BMP2K: variants seen among roughly 807,000 people sequenced by gnomAD.
BMP2K encodes BMP-2-inducible protein kinase.
BMP2K carries 74 observed loss-of-function variants against 116.0 expected under a neutral mutation model. That is an observed-to-expected ratio of 0.64 (90% CI 0.53 to 0.77). The LOEUF (loss-of-function observed/expected upper bound fraction) is 0.77, where lower values mean the gene tolerates loss of function less well. Among genes scored for constraint, BMP2K ranks in the 30% least tolerant of loss-of-function variants. The probability of loss-of-function intolerance (pLI) is 0.00; values close to 1 mark genes in which losing one functional copy is unlikely to be tolerated. For synonymous variants in BMP2K, 486 were observed against 502.5 expected (o/e 0.97, Z 0.44); for missense variants, 1,365 against 1,403.6 (o/e 0.97, Z 0.44).
intron 14 of BMP2K, chr4:78,879,269 A>G (rs1381726765): frequency 1.9e-5 from 19 of 1,007,414 alleles, no homozygotes; most frequent in Non-Finnish European, 2.2e-5. Context: ...CACACTCAAT[A>G]GAAAATATTG....
intron 1 of BMP2K, among the ~76,000 whole-genome samples, chr4:78,808,566 G>A (rs1032793392): frequency 4.6e-5 from 7 of 151,900 alleles, no homozygotes; most frequent in Middle Eastern, 3.2e-3. Flanking sequence ...ATGCCCGGCC[G>A]CTTCCTTTTT....
chr4:78,905,253 T>G (rs1489628869), intron 15 of BMP2K, among the ~76,000 whole-genome samples: 1 of 151,942 alleles, frequency 6.6e-6, no homozygotes, highest in African/African-American at 2.4e-5. Context: ...TAAACTTGCT[T>G]AGTGTCAGTA....
intron 6 of BMP2K, among the ~76,000 whole-genome samples, chr4:78,849,114 TG>T (rs1731137875): frequency 6.6e-6 from 1 of 151,488 alleles, no homozygotes; most frequent in Non-Finnish European, 1.5e-5. Flanking sequence ...AATAATTTTT[TG>T]CTTGGAAGTT....
At chr4:78,854,823 T>G (rs1577929267) in intron 7 of BMP2K, among the ~76,000 whole-genome samples, 1 of 152,144 alleles carries the variant, frequency 6.6e-6, no homozygotes, top group East Asian at 1.9e-4. Context: ...TAAATTTTCA[T>G]GTACCTCATG....
chr4:78,890,372 A>C lies in BMP2K; in HGVS notation c.2062+3088A>C, dbSNP rs112528966. ...TTTTTTTTTGATTTAGATATTTTAC[A>C]GTTTGTCCGCCTCACACATACACAA... On this transcript the variant is annotated intron_variant, in intron 15 of 15. Transcript: ENST00000502613. Among the ~76,000 whole-genome samples the C allele has an allele frequency of 1.7e-4, 26 of 150,758 alleles. 1 individual carries two copies. The highest frequency in any genetic ancestry group is 6.2e-4 in the African/African-American group (25 of 40,288).
At chr4:78,780,096 C>CACAT in intron 1 of BMP2K, among the ~76,000 whole-genome samples, 1 of 152,244 alleles carries the variant, frequency 6.6e-6, no homozygotes, top group South Asian at 2.1e-4. Flanking sequence ...GCTTGTTGAC[C>CACAT]ACATGCATCA....
In BMP2K at chr4:78,910,873, G is replaced by A. The variant is rs560165697; in HGVS notation, c.2326G>A (p.Asp776Asn). Reference sequence around the variant, plus strand: ...GGAACAAGGAGATTTTAATGATGATGATACTGAACCAGAAAATCTGGGTCA... The same window carrying A: ...GGAACAAGGAGATTTTAATGATGATAATACTGAACCAGAAAATCTGGGTCA... Reference protein sequence around the residue: ...QGEQGDFNDDDTEPENLGHRP... With the variant: ...QGEQGDFNDDNTEPENLGHRP... Residue 776 changes from aspartate to asparagine, a missense_variant, in exon 16 of 16, where the codon GAT becomes AAT. By Grantham distance (23) the Asp-to-Asn change is conservative. Transcript: ENST00000502613. 1 of 1,613,964 alleles carries A rather than the reference G, an allele frequency of 6.2e-7. No individual in the cohort carries two copies. Among genetic ancestry groups the A allele is most frequent in the South Asian group, 1.1e-5 (1 of 91,078 alleles).
In BMP2K at chr4:78,803,538, C is replaced by G. The variant is rs560028054; in HGVS notation, c.179-22499C>G. On this transcript the variant is annotated intron_variant, in intron 1 of 15. Transcript: ENST00000502613. ...GGATTACAGATGTGTACCACCACTCCCTGCACATTTTTGTATTTTTAGTAG... is the reference window on the plus strand; with the variant it reads ...GGATTACAGATGTGTACCACCACTCGCTGCACATTTTTGTATTTTTAGTAG... Among the ~76,000 whole-genome samples the G allele has an allele frequency of 4.6e-5, 7 of 152,052 alleles. No homozygotes were observed. In the East Asian group the frequency reaches 1.2e-3, roughly 25 times the overall value.
chr4:78,783,806 AAAATAAATAAATAAAT>A (rs886454344), intron 1 of BMP2K, among the ~76,000 whole-genome samples: 1 of 151,868 alleles, frequency 6.6e-6, no homozygotes, highest in Non-Finnish European at 1.5e-5. Context: ...ACGCTGTCTC[AAAATAAATAAATAAAT>A]AAATAAATAA....
chr4:78,860,681 C>A (rs192586624), intron 8 of BMP2K, among the ~76,000 whole-genome samples: 82 of 151,286 alleles, frequency 5.4e-4, no homozygotes, highest in Admixed American at 2.6e-3. Flanking sequence ...TTGTAAAGAT[C>A]ATTCTGGCCT....
intron 2 of BMP2K, among the ~76,000 whole-genome samples, chr4:78,830,525 T>C (rs1472506182): frequency 2.0e-5 from 3 of 152,226 alleles, no homozygotes; most frequent in African/African-American, 7.2e-5. Context: ...CGACTTCTTC[T>C]CTTTAGCTCT....
At chr4:78,874,075 G>A (rs911588606) in intron 13 of BMP2K, among the ~76,000 whole-genome samples, 1 of 152,034 alleles carries the variant, frequency 6.6e-6, no homozygotes, top group Admixed American at 6.6e-5. Flanking sequence ...CTACTTGGGA[G>A]GCTGAGGCAG....
chr4:78,815,996 G>T (rs1400477700), intron 1 of BMP2K, among the ~76,000 whole-genome samples: 1 of 152,128 alleles, frequency 6.6e-6, no homozygotes, highest in African/African-American at 2.4e-5. Context: ...TTTGAAACTG[G>T]AATTCAGTCA....
chr4:78,905,631 G>A (rs570308401), intron 15 of BMP2K, among the ~76,000 whole-genome samples: 7 of 152,012 alleles, frequency 4.6e-5, no homozygotes, highest in Non-Finnish European at 8.8e-5. Flanking sequence ...TAAATATGGG[G>A]ATTATTAGGA....
At position 78,865,581 on chromosome 4, in the gene BMP2K, A is replaced by G; in HGVS notation, c.1092A>G (p.Thr364=). ...KARITDTIGP[T]ETSIAPRQRP... The stretch of plus-strand genomic sequence containing the variant: ...GAATAACAGATACCATTGGACCAAC[A>G]GAAACCTCAATTGCACCAAGACAAA... The change falls in exon 10 of 16, where the codon ACA becomes ACG. Residue 364 remains threonine, a synonymous_variant. Transcript: ENST00000502613. 6.2e-7 allele frequency: 1 copy of G among 1,614,118 alleles called. No individual in the cohort carries two copies. Among genetic ancestry groups the G allele is most frequent in the East Asian group, 2.2e-5 (1 of 44,874 alleles).
intron 15 of BMP2K, among the ~76,000 whole-genome samples, chr4:78,909,055 CTTT>C (rs1053664659): frequency 5.3e-5 from 5 of 94,410 alleles, no homozygotes; most frequent in African/African-American, 4.6e-5. Flanking sequence ...TTCCCTTAGT[CTTT>C]TTTTTTTTTT....
chr4:78,848,962 G>GA (rs995665721), intron 6 of BMP2K, among the ~76,000 whole-genome samples: 6 of 151,222 alleles, frequency 4.0e-5, no homozygotes, highest in African/African-American at 1.2e-4. Flanking sequence ...GTAATATCCA[G>GA]AAAAAAATAC....
At chr4:78,777,218 G>A in intron 1 of BMP2K, among the ~76,000 whole-genome samples, 1 of 152,204 alleles carries the variant, frequency 6.6e-6, no homozygotes, top group East Asian at 1.9e-4. Context: ...GTATTTGTGT[G>A]CATGTGTGCG....
At chr4:78,858,681 ATC>A (rs1253713154) in intron 7 of BMP2K, among the ~76,000 whole-genome samples, 3 of 151,880 alleles carry the variant, frequency 2.0e-5, no homozygotes, top group African/African-American at 7.2e-5. Flanking sequence ...ACATACTTAG[ATC>A]TCTCTATACA....
Sources: gnomAD v4.1 joint callset for allele counts (sites outside exome capture counted in the v4.1 genomes callset) on GRCh38, gnomAD v4.1.1 for gene constraint, MANE v1.5 for transcripts, NCBI Gene and HGNC (gene_info 2026-07-23, HGNC 2026-07-21) for gene names.